Variants in CAMK2G observed in about 807,000 individuals in gnomAD.
The protein encoded by CAMK2G is calcium/calmodulin-dependent protein kinase type II subunit gamma.
CAMK2G carries 23 observed loss-of-function variants against 88.7 expected under a neutral mutation model. That is an observed-to-expected ratio of 0.26 (90% CI 0.19 to 0.37). CAMK2G has a LOEUF of 0.37. Ranked by LOEUF, CAMK2G falls within the 10% of genes least tolerant of loss-of-function variation. CAMK2G has a pLI of 1.00. For missense variants in CAMK2G, 476 were observed against 780.8 expected, an observed-to-expected ratio of 0.61 and a Z score of 4.65; for synonymous variants, 263 against 294.8, an observed-to-expected ratio of 0.89 and a Z score of 1.11.
chr10:73,826,918 T>A (rs1274723629), intron 15 of CAMK2G, among the ~76,000 whole-genome samples: 2 of 152,018 alleles, frequency 1.3e-5, no homozygotes, highest in Admixed American at 6.5e-5. Flanking sequence ...TGAACAAGAC[T>A]CCACAGACTG....
chr10:73,841,296 G>A lies in CAMK2G; in HGVS notation c.946+873C>T, dbSNP rs552499695. Among the ~76,000 whole-genome samples the A allele has an allele frequency of 3.7e-3, 556 of 152,268 alleles. 1 individual carries two copies. The highest frequency in any genetic ancestry group is 0.013 in the African/African-American group (534 of 41,552). On this transcript the variant is annotated intron_variant, in intron 12 of 22. Coordinates refer to ENST00000423381, the MANE Select transcript of CAMK2G (RefSeq NM_001367534.1). ...GTGCAGAGGGGAAGCAAGGGAGGGA[G>A]TCTTATTATGGGAAGGAGAAGGGGG...
At chr10:73,832,762 TA>T (rs1295746133) in intron 14 of CAMK2G, among the ~76,000 whole-genome samples, 3 of 152,298 alleles carry the variant, frequency 2.0e-5, no homozygotes, top group African/African-American at 7.2e-5. Flanking sequence ...TACTGGCTTT[TA>T]AAAAATCTTT....
intron 21 of CAMK2G, 79 bp downstream of exon 21, chr10:73,816,944 G>T (rs745987641): frequency 1.2e-6 from 2 of 1,613,188 alleles, no homozygotes; most frequent in Non-Finnish European, 1.7e-6. Flanking sequence ...GGGCAACTGG[G>T]ATGAGAAGGT....
At chr10:73,820,970 C>T (rs186814119) in intron 18 of CAMK2G, among the ~76,000 whole-genome samples, 9 of 151,304 alleles carry the variant, frequency 5.9e-5, no homozygotes, top group South Asian at 2.1e-4. Context: ...CCACTACGCC[C>T]GGCCTTTTTT....
intron 2 of CAMK2G, among the ~76,000 whole-genome samples, chr10:73,861,882 G>T (rs1259015019): frequency 6.6e-6 from 1 of 152,162 alleles, no homozygotes; most frequent in Non-Finnish European, 1.5e-5. Flanking sequence ...CCAGGCAGCT[G>T]CCTCTTTTAA....
At chr10:73,857,792 T>C (rs539858421) in intron 3 of CAMK2G, among the ~76,000 whole-genome samples, 18 of 152,284 alleles carry the variant, frequency 1.2e-4, no homozygotes, top group African/African-American at 3.6e-4. Context: ...TCCCCACCAC[T>C]GGCCACACTC....
chr10:73,820,486 A>G (rs927597306), intron 18 of CAMK2G, among the ~76,000 whole-genome samples: 16 of 51,878 alleles, frequency 3.1e-4, no homozygotes, highest in African/African-American at 1.9e-3. Flanking sequence ...ATATATATAT[A>G]TATATATTTT....
chr10:73,822,924 C>T (rs759689968), intron 17 of CAMK2G, among the ~76,000 whole-genome samples: 2 of 152,074 alleles, frequency 1.3e-5, no homozygotes, highest in Non-Finnish European at 2.9e-5. Flanking sequence ...TGCAGTGGCA[C>T]GATTTCAGCT....
rs190613965 is a variant in CAMK2G at position 73,853,318 on chromosome 10, C to G, written c.221-72G>C. ...GAAATCCTAGGCTTCTCCTCAGCAG[C>G]CCCACCCCTGCCCCATCCTGTCGGG... On this transcript the variant is annotated intron_variant, in intron 3 of 22. Transcript: ENST00000423381. The G allele has an allele frequency of 9.9e-5, 134 of 1,355,958 alleles. No homozygotes were observed. In the African/African-American group the frequency reaches 1.8e-3, roughly 18 times the overall value. 84.0% of individuals were successfully genotyped at this position (1,355,958 alleles called of 1,614,324 possible).
At chr10:73,853,369 G>C in intron 3 of CAMK2G, 123 bp from the exon 4 acceptor site, 1 of 807,778 alleles carries the variant, frequency 1.2e-6, no homozygotes, top group Non-Finnish European at 2.0e-6. Context: ...AGAAGGAGCA[G>C]TGGGGGGAAG....
At chr10:73,827,430 C>T (rs1159387919) in intron 15 of CAMK2G, among the ~76,000 whole-genome samples, 4 of 152,186 alleles carry the variant, frequency 2.6e-5, no homozygotes, top group Non-Finnish European at 4.4e-5. Context: ...CCACCCGCCT[C>T]GGCCTCCCAA....
intron 18 of CAMK2G, among the ~76,000 whole-genome samples, chr10:73,820,492 A>ATATATATATTTT (rs1554995765): frequency 2.0e-5 from 1 of 51,052 alleles, no homozygotes; most frequent in African/African-American, 8.9e-5. Flanking sequence ...ATATATATAT[A>ATATATATATTTT]TTTTTTTTTT....
chr10:73,873,730 G>A (rs978831199), intron 1 of CAMK2G, among the ~76,000 whole-genome samples: 2 of 133,168 alleles, frequency 1.5e-5, no homozygotes, highest in Non-Finnish European at 3.3e-5. Flanking sequence ...CGTCTGGGGG[G>A]GCGGGCGGGG....
intron 10 of CAMK2G, chr10:73,846,484 A>G (rs1209439705): frequency 6.6e-6 from 1 of 152,228 alleles, no homozygotes; most frequent in Non-Finnish European, 1.5e-5. Context: ...TCACATTGTA[A>G]CATGACTGCC....
At chr10:73,863,934 G>C (rs2095485066) in intron 2 of CAMK2G, among the ~76,000 whole-genome samples, 2 of 152,210 alleles carry the variant, frequency 1.3e-5, no homozygotes. Context: ...TCTAAGCTGT[G>C]GAGTATGGCA....
rs769421656 is a variant in CAMK2G, at chr10:73,848,118, C to T, written c.602-36G>A. ...GAACACACAGGTCATGGGGGTCAGT[C>T]GCCTACTTCCCTGAGGAACCAAGAA... is the stretch of plus-strand genomic sequence containing the variant. On this transcript the variant is annotated intron_variant, in intron 8 of 22. Transcript: ENST00000423381. This position sits in a 1 kb window ranked among gnomAD's most constrained non-coding sequence, Gnocchi z 4.5. 15 of 1,281,870 alleles carry T rather than the reference C, an allele frequency of 1.2e-5. No individual in the cohort carries two copies. The highest frequency in any genetic ancestry group is 1.7e-5 in the Admixed American group (1 of 59,198). The allele number at this position is 1,281,870 out of a possible 1,614,324, so 79.4% of individuals were successfully genotyped here. A position where few individuals can be genotyped will look rare whatever the true frequency, so the allele number is the denominator to read the frequency against.
At chr10:73,836,188 C>G (rs1440709423) in intron 14 of CAMK2G, among the ~76,000 whole-genome samples, 1 of 152,172 alleles carries the variant, frequency 6.6e-6, no homozygotes, top group African/African-American at 2.4e-5. Flanking sequence ...CAAAGTGAGT[C>G]TCACCTATGT....
intron 2 of CAMK2G, among the ~76,000 whole-genome samples, chr10:73,864,646 T>C (rs547193509): frequency 7.2e-5 from 11 of 151,984 alleles, no homozygotes; most frequent in African/African-American, 2.7e-4. Context: ...TTGTTTGTTT[T>C]TTTTGCTTTT....
At chr10:73,828,161 AG>A in intron 14 of CAMK2G, 40 bp from the exon 15 acceptor site, 1 of 1,574,012 alleles carries the variant, frequency 6.4e-7, no homozygotes, top group Non-Finnish European at 8.7e-7. Flanking sequence ...AAGGGGAAAG[AG>A]GAGGTAAGAA....
Sources: gnomAD v4.1 joint callset for allele counts (sites outside exome capture counted in the v4.1 genomes callset) on GRCh38, gnomAD v4.1.1 for gene constraint, Gnocchi (gnomAD v3.1) non-coding constraint, MANE v1.5 for transcripts, NCBI Gene and HGNC (gene_info 2026-07-23, HGNC 2026-07-21) for gene names.